DOCK10: variants seen among roughly 807,000 people sequenced by gnomAD.
DOCK10 encodes the protein dedicator of cytokinesis 10.
Under a neutral mutation model 280.1 loss-of-function variants are expected in DOCK10, and 145 were observed. That is an observed-to-expected ratio of 0.52 (90% CI 0.45 to 0.59). The LOEUF (loss-of-function observed/expected upper bound fraction) is 0.59. DOCK10 is among the 20% of genes least tolerant of loss of function. The probability of loss-of-function intolerance (pLI) is 0.00; values close to 1 mark genes in which losing one functional copy is unlikely to be tolerated. For missense variants in DOCK10, 2,368 were observed against 2,651.7 expected (o/e 0.89, Z 2.35); for synonymous variants, 915 against 942.2 (o/e 0.97, Z 0.53).
intron 1 of DOCK10, among the ~76,000 whole-genome samples, chr2:224,957,285 G>A (rs1335375778): frequency 3.4e-5 from 4 of 118,610 alleles, no homozygotes; most frequent in South Asian, 2.7e-4. Flanking sequence ...TTTACTTTCC[G>A]CCCCCCCCCG....
intron 1 of DOCK10, among the ~76,000 whole-genome samples, chr2:224,958,999 G>A (rs910796261): frequency 2.0e-5 from 3 of 152,172 alleles, no homozygotes; most frequent in South Asian, 2.1e-4. Context: ...AAGGAGATCC[G>A]CTACCTAGAC....
At chr2:224,840,118 C>T (rs372956918) in intron 23 of DOCK10, 46 bp from the exon 24 acceptor site, 76 of 884,850 alleles carry the variant, frequency 8.6e-5, no homozygotes, top group Admixed American at 5.6e-4. Context: ...AAATTTGAAG[C>T]ATGTCCTACA....
chr2:224,828,525 C>T (rs1169865833), intron 27 of DOCK10, among the ~76,000 whole-genome samples: 1 of 152,110 alleles, frequency 6.6e-6, no homozygotes, highest in Admixed American at 6.5e-5. Context: ...GTATCAAGTT[C>T]CCCAGGCAGG....
chr2:224,800,074 C>A (rs1186398635), intron 41 of DOCK10, 77 bp downstream of exon 41: 9 of 797,940 alleles, frequency 1.1e-5, no homozygotes, highest in Admixed American at 7.9e-5. Flanking sequence ...TTAAAAAAAA[C>A]CATGTTTTTG....
intron 22 of DOCK10, among the ~76,000 whole-genome samples, chr2:224,843,027 G>C (rs1050425605): frequency 6.6e-6 from 1 of 152,118 alleles, no homozygotes; most frequent in Non-Finnish European, 1.5e-5. Context: ...GGGAAGGGGG[G>C]TATCCACCCC....
chr2:224,868,624 CG>C (rs1304905190), intron 11 of DOCK10, among the ~76,000 whole-genome samples: 1 of 151,970 alleles, frequency 6.6e-6, no homozygotes, highest in South Asian at 2.1e-4. Flanking sequence ...CTAGTTTATA[CG>C]GGGGGGACAA....
chr2:224,890,172 C>T (rs777960974), intron 4 of DOCK10, among the ~76,000 whole-genome samples: 7 of 152,210 alleles, frequency 4.6e-5, no homozygotes, highest in Admixed American at 2.0e-4. Flanking sequence ...TTCTGAACCT[C>T]CTATTCTGTC....
intron 1 of DOCK10, among the ~76,000 whole-genome samples, chr2:225,009,462 A>C (rs1689371299): frequency 6.6e-6 from 1 of 152,186 alleles, no homozygotes; most frequent in Non-Finnish European, 1.5e-5. Context: ...CAATCAAATA[A>C]GAGATTACTT....
rs968298439 is a variant in DOCK10, at chr2:224,863,443, A to ATTTCT, written c.1603-702_1603-698dup. Among the ~76,000 whole-genome samples, 5 of 151,796 alleles carry ATTTCT rather than the reference A, an allele frequency of 3.3e-5. No homozygotes were observed. The East Asian group carries it at 5.8e-4, about 18-fold the overall frequency. ...GGCATGGAAAATATAGACTTTTAAT[A>ATTTCT]TTTCTTTTCTTTTCTTTTTTTTTTA... On this transcript the variant is annotated intron_variant, in intron 13 of 55. Coordinates refer to ENST00000258390, the MANE Select transcript of DOCK10 (RefSeq NM_014689.3).
At position 224,862,668 on chromosome 2, in the gene DOCK10, C is replaced by T. The variant is rs1157100142; in HGVS notation, c.1681G>A (p.Val561Ile). 1 of 1,612,730 alleles carries T rather than the reference C, an allele frequency of 6.2e-7. No homozygotes were observed. Among genetic ancestry groups the T allele is most frequent in the Admixed American group, 1.7e-5 (1 of 60,000 alleles). Residue 561 changes from valine to isoleucine, a missense_variant, in exon 14 of 56, where the codon GTA becomes ATA. Physicochemically the swap from Val to Ile is conservative, Grantham distance 29. Coordinates refer to ENST00000258390, the MANE Select transcript of DOCK10 (RefSeq NM_014689.3). ...GKYRMPFAWAVRSVFKDNQGN... is the reference protein window; with the variant it reads ...GKYRMPFAWAIRSVFKDNQGN... ...TGGCTGCAACTGTCAACATACCTTA[C>T]TGCCCAAGCAAAAGGCATACGGTAT...
At chr2:224,916,813 T>C in intron 2 of DOCK10, 29 bp from the exon 3 acceptor site, 1 of 1,563,680 alleles carries the variant, frequency 6.4e-7, no homozygotes, top group East Asian at 2.3e-5. Flanking sequence ...AGAAATTGAG[T>C]CCTCCGGCTT....
chr2:224,801,570 G>C (rs1298974843), intron 40 of DOCK10, among the ~76,000 whole-genome samples: 2 of 152,084 alleles, frequency 1.3e-5, no homozygotes, highest in Non-Finnish European at 2.9e-5. Flanking sequence ...AGTTCAAGAG[G>C]TCACCCTTGC....
intron 50 of DOCK10, among the ~76,000 whole-genome samples, chr2:224,784,952 A>G (rs1028625817): frequency 2.0e-5 from 3 of 152,058 alleles, no homozygotes; most frequent in Non-Finnish European, 4.4e-5. Context: ...GGCTTTATAG[A>G]GTCATGTCTT....
chr2:225,042,376 G>A lies in DOCK10; in HGVS notation c.-2C>T, dbSNP rs1690463236. On this transcript the variant is annotated 5_prime_UTR_variant, in exon 1 of 56. Coordinates refer to ENST00000258390, the MANE Select transcript of DOCK10 (RefSeq NM_014689.3). The surrounding 1 kb of genome is among the most constrained non-coding windows in gnomAD (Gnocchi z 5.1). ...CCTGCGGGTCCGCTCACCGGCCATC[G>A]CCGGTCACGCCAATCGCGCCGCGGG... 1 of 1,254,108 alleles carries A rather than the reference G, an allele frequency of 8.0e-7. No individual in the cohort carries two copies. The highest frequency in any genetic ancestry group is 1.0e-6 in the Non-Finnish European group (1 of 998,572). The allele number at this position is 1,254,108 out of a possible 1,614,324, so 77.7% of individuals were successfully genotyped here. A position where few individuals can be genotyped will look rare whatever the true frequency, so the allele number is the denominator to read the frequency against.
chr2:224,943,775 T>G (rs1320524966), intron 1 of DOCK10, among the ~76,000 whole-genome samples: 1 of 148,950 alleles, frequency 6.7e-6, no homozygotes, highest in Admixed American at 6.7e-5. Context: ...TTTTTTTTTT[T>G]TTTTTTGAGT....
At chr2:225,004,874 G>A (rs565951103) in intron 1 of DOCK10, among the ~76,000 whole-genome samples, 3 of 152,240 alleles carry the variant, frequency 2.0e-5, no homozygotes, top group East Asian at 1.9e-4. Context: ...CCCAGCTCAG[G>A]GATAAGGTAG....
intron 1 of DOCK10, among the ~76,000 whole-genome samples, chr2:225,015,565 T>C (rs2106081360): frequency 6.6e-6 from 1 of 152,276 alleles, no homozygotes; most frequent in East Asian, 1.9e-4. Flanking sequence ...CATCACATAC[T>C]GATAGGAAAT....
chr2:224,827,005 G>A (rs1020481036), intron 27 of DOCK10, among the ~76,000 whole-genome samples: 1 of 151,844 alleles, frequency 6.6e-6, no homozygotes. Flanking sequence ...GCTCATGCCT[G>A]TAATTCCAGC....
rs977544525 is a variant in DOCK10 at position 225,014,094 on chromosome 2, T to TTG, written c.123+28157_123+28158insCA. 4.4e-3 allele frequency among the ~76,000 whole-genome samples: 483 copies of TTG among 110,720 alleles called. 3 individuals are homozygous for TTG. The highest frequency in any genetic ancestry group is 0.017 in the African/African-American group (467 of 27,346). The allele number at this position is 110,720 out of a possible 152,430, so 72.6% of individuals were successfully genotyped here. ...AAGTCTGAATATATTGTTTTTTTTT[T>TTG]TTTGTTTTTTTTTTTAAGAAATACA... On this transcript the variant is annotated intron_variant, in intron 1 of 55. Coordinates refer to ENST00000258390, the MANE Select transcript of DOCK10 (RefSeq NM_014689.3).
Sources: allele counts gnomAD v4.1 joint callset (sites outside exome capture counted in the v4.1 genomes callset), GRCh38; gene constraint gnomAD v4.1.1; non-coding constraint Gnocchi (gnomAD v3.1); transcripts MANE v1.5; gene names NCBI Gene and HGNC (gene_info 2026-07-23, HGNC 2026-07-21).